CELSR2: variants seen among roughly 807,000 people sequenced by gnomAD.
CELSR2 encodes EGF-like protein 2.
A neutral mutation model predicts 251.6 loss-of-function variants in CELSR2; 81 were observed. The observed-to-expected ratio is 0.32, with a 90% CI of 0.27 to 0.39. The LOEUF is 0.39. Among genes scored for constraint, CELSR2 ranks in the 10% least tolerant of loss-of-function variants. CELSR2 has a pLI of 1.00. For synonymous variants in CELSR2, 1,721 were observed against 1,670.5 expected, an observed-to-expected ratio of 1.03 and a Z score of -0.74; for missense variants, 3,365 against 3,947.7, an observed-to-expected ratio of 0.85 and a Z score of 3.96.
chr1:109,258,160 A>C (rs889125895), intron 1 of CELSR2, among the ~76,000 whole-genome samples: 1 of 152,184 alleles, frequency 6.6e-6, no homozygotes, highest in South Asian at 2.1e-4. Context: ...CTCTGGGGGA[A>C]GGGAGCAGGA....
At chr1:109,267,136 G>A (rs1445902575) in intron 15 of CELSR2, among the ~76,000 whole-genome samples, 1 of 152,112 alleles carries the variant, frequency 6.6e-6, no homozygotes, top group Non-Finnish European at 1.5e-5. Context: ...TCACCACCGA[G>A]TCCTGGAGTT....
In CELSR2 at chr1:109,252,800, GACAGTCA is replaced by G; in HGVS notation, c.2722_2728del (p.Thr908LeufsTer5). 6.2e-7 allele frequency: 1 copy of G among 1,614,050 alleles called. No individual in the cohort carries two copies. On this transcript the variant is annotated frameshift_variant, in exon 1 of 34. Transcript: ENST00000271332. LOFTEE classifies it high-confidence loss of function. The surrounding 1 kb of genome is among the most constrained non-coding windows in gnomAD (Gnocchi z 4.8). ...CCCCAGCCCGCACACCTATGGAAGTGACAGTCACTGTGTTGGATGTGAATGACAATCC... is the reference window on the plus strand; with the variant it reads ...CCCCAGCCCGCACACCTATGGAAGTGCTGTGTTGGATGTGAATGACAATCC...
intron 9 of CELSR2, 102 bp downstream of exon 9, chr1:109,263,879 G>C: frequency 6.8e-7 from 1 of 1,462,916 alleles, no homozygotes; most frequent in Non-Finnish European, 9.1e-7. Context: ...GCAGGGGTGG[G>C]GACATATAGA....
Position 109,267,519 on chromosome 1 carries a change from G to A in CELSR2, c.6014-29G>A, listed in dbSNP as rs547262796. ...AGGGGCTTCCTGTGTGTCTCCCTGA[G>A]GCCGGCCCTTTTGGCTTCCTTCCCC... On this transcript the variant is annotated intron_variant, in intron 15 of 33. Transcript: ENST00000271332. 5.6e-5 allele frequency: 90 copies of A among 1,606,814 alleles called. No individual in the cohort carries two copies. In the South Asian group the frequency reaches 9.3e-4, roughly 17 times the overall value.
intron 1 of CELSR2, among the ~76,000 whole-genome samples, chr1:109,257,865 G>C (rs1348223132): frequency 3.3e-5 from 5 of 152,194 alleles, no homozygotes; most frequent in African/African-American, 1.2e-4. Flanking sequence ...CTTTGTGTTG[G>C]ATGTTGCCAT....
At chr1:109,268,167 A>T in intron 17 of CELSR2, 107 bp downstream of exon 17, 2 of 1,451,860 alleles carry the variant, frequency 1.4e-6, no homozygotes, top group Non-Finnish European at 1.8e-6. Flanking sequence ...CCCACCTACA[A>T]GGAGCTCCCT....
rs1029971819 is a variant in CELSR2, at chr1:109,274,888, A to G, written c.*839A>G. 6 of 152,724 alleles carry G rather than the reference A, an allele frequency of 3.9e-5. No homozygotes were observed. The highest frequency in any genetic ancestry group is 1.4e-4 in the African/African-American group (6 of 41,414). 9.5% of individuals were successfully genotyped at this position (152,724 alleles called of 1,614,324 possible). A position where few individuals can be genotyped will look rare whatever the true frequency, so the allele number is the denominator to read the frequency against. ...GCCCCGCGCCCCGGGCAGGCCAGTC[A>G]TGTGTTAAGTTGCGCTTCTTTGCTG... On this transcript the variant is annotated 3_prime_UTR_variant, in exon 34 of 34. Transcript: ENST00000271332.
rs115193384 is a variant in CELSR2 at position 109,264,949 on chromosome 1, C to T, written c.5546C>T (p.Ala1849Val). Residue 1849 changes from alanine (A) to valine (V), a missense_variant, in exon 12 of 34, where the codon GCC becomes GTC. Coordinates refer to ENST00000271332, the MANE Select transcript of CELSR2 (RefSeq NM_001408.3). ...HQSVCTRKPS[A>V]PHGYTCECPP... ...TCTGTGTGTACCCGCAAGCCCAGTG[C>T]CCCCCATGGCTATACCTGCGAGTGT... The T allele has an allele frequency of 8.4e-4, 1,348 of 1,614,154 alleles. 10 individuals carry two copies. The African/African-American group carries it at 0.016, about 19-fold the overall frequency.
chr1:109,252,487 T>A lies in CELSR2; in HGVS notation c.2408T>A (p.Ile803Asn). Residue 803 changes from isoleucine (I) to asparagine (N), a missense_variant, in exon 1 of 34, where the codon ATC becomes AAC. This residue lies in a region of CELSR2 where 505 missense variants were observed against 660.0 expected (regional missense o/e 0.77). Coordinates refer to ENST00000271332, the MANE Select transcript of CELSR2 (RefSeq NM_001408.3). This position sits in a 1 kb window ranked among gnomAD's most constrained non-coding sequence, Gnocchi z 4.8. ...AAGTCCGACACCACCTACCTGGAGA[T>A]CCTGGTGAACGACGTGAATGACAAT... Reference protein sequence around the residue: ...PQKSDTTYLEILVNDVNDNAP... With the variant: ...PQKSDTTYLENLVNDVNDNAP... 6.2e-7 allele frequency: 1 copy of A among 1,613,870 alleles called. No homozygotes were observed. Among genetic ancestry groups the A allele is most frequent in the Non-Finnish European group, 8.5e-7 (1 of 1,180,026 alleles).
In CELSR2 at chr1:109,258,976, C is replaced by T. The variant is rs1279756433; in HGVS notation, c.3855C>T (p.Cys1285=). The change falls in exon 2 of 34, where the codon TGC becomes TGT. Residue 1285 remains cysteine, a synonymous_variant. Coordinates refer to ENST00000271332, the MANE Select transcript of CELSR2 (RefSeq NM_001408.3). ...RCPPGFTGDY[C]ETEVDLCYSR... ...CGCCCGGCTTCACGGGTGACTACTGCGAGACCGAGGTGGACCTCTGCTACT... is the reference window on the plus strand; with the variant it reads ...CGCCCGGCTTCACGGGTGACTACTGTGAGACCGAGGTGGACCTCTGCTACT... 1 of 1,609,566 alleles carries T rather than the reference C, an allele frequency of 6.2e-7. No individual in the cohort carries two copies. Among genetic ancestry groups the T allele is most frequent in the East Asian group, 2.2e-5 (1 of 44,874 alleles).
rs1338153278 is a variant in CELSR2 at position 109,261,088 on chromosome 1, T to A, written c.4005T>A (p.Gly1335=). Residue 1335 remains glycine, a synonymous_variant, in exon 3 of 34, where the codon GGT becomes GGA. Coordinates refer to ENST00000271332, the MANE Select transcript of CELSR2 (RefSeq NM_001408.3). The surrounding 1 kb of genome is among the most constrained non-coding windows in gnomAD (Gnocchi z 4.8). ...VSARSGRCTP[G]VCKNGGTCVN... ...CTCGCTCAGGCCGTTGCACCCCGGG[T>A]GTCTGCAAGAATGGGGGCACCTGTG... The A allele has an allele frequency of 6.2e-7, 1 of 1,613,844 alleles. No individual in the cohort carries two copies. The highest frequency in any genetic ancestry group is 1.3e-5 in the African/African-American group (1 of 74,878).
In CELSR2 at chr1:109,251,920, A is replaced by C; in HGVS notation, c.1841A>C (p.Glu614Ala). 6.2e-7 allele frequency: 1 copy of C among 1,614,144 alleles called. No individual in the cohort carries two copies. The highest frequency in any genetic ancestry group is 2.2e-5 in the East Asian group (1 of 44,878). ...AACAATCCAACCTTTACCCAACCAG[A>C]GTACACAGTGCGGCTCAATGAGGAT... ...NDNNPTFTQP[E>A]YTVRLNEDAA... The change falls in exon 1 of 34, where the codon GAG becomes GCG. Residue 614 changes from glutamate (E) to alanine (A), a missense_variant. Coordinates refer to ENST00000271332, the MANE Select transcript of CELSR2 (RefSeq NM_001408.3). The surrounding 1 kb of genome is among the most constrained non-coding windows in gnomAD (Gnocchi z 4.9).
intron 24 of CELSR2, 98 bp from the exon 25 acceptor site, chr1:109,270,829 A>T: frequency 2.0e-6 from 2 of 1,009,934 alleles, no homozygotes; most frequent in Non-Finnish European, 3.0e-6. Flanking sequence ...ACCCTTTTCC[A>T]TGCTTCATGC....
Position 109,273,515 on chromosome 1 carries a change from G to A in CELSR2, c.8589G>A (p.Gly2863=), listed in dbSNP as rs776987088. 1 of 1,606,064 alleles carries A rather than the reference G, an allele frequency of 6.2e-7. No homozygotes were observed. The highest frequency in any genetic ancestry group is 8.5e-7 in the Non-Finnish European group (1 of 1,176,870). The change falls in exon 33 of 34, where the codon GGG becomes GGA. Residue 2863 remains glycine, a synonymous_variant. Transcript: ENST00000271332. ...GGCTCCCCCTGGAGCAATGCACAGGGTCTTCCCGGGGCTCCTCCGCTAGTG... is the reference window on the plus strand; with the variant it reads ...GGCTCCCCCTGGAGCAATGCACAGGATCTTCCCGGGGCTCCTCCGCTAGTG... The part of the protein sequence containing the change: ...LLRLPLEQCT[G]SSRGSSASEG...
At chr1:109,265,380 G>T in intron 13 of CELSR2, 69 bp downstream of exon 13, 1 of 1,498,552 alleles carries the variant, frequency 6.7e-7, no homozygotes, top group Non-Finnish European at 9.0e-7. Context: ...GGCCCTAGAG[G>T]GCAGGCTGTA....
Position 109,251,289 on chromosome 1 carries a change from T to C in CELSR2, c.1210T>C (p.Tyr404His). 1 of 1,614,096 alleles carries C rather than the reference T, an allele frequency of 6.2e-7. No individual in the cohort carries two copies. The highest frequency in any genetic ancestry group is 8.5e-7 in the Non-Finnish European group (1 of 1,180,010). The change falls in exon 1 of 34, where the codon TAT becomes CAT. Residue 404 changes from tyrosine to histidine, a missense_variant. Transcript: ENST00000271332. The surrounding 1 kb of genome is among the most constrained non-coding windows in gnomAD (Gnocchi z 4.9). Reference sequence around the variant, plus strand: ...TGCCCCCCAGTTTAGTGAGAAGCGCTATGTGGTCCAGGTGAGGGAGGATGT... The same window carrying C: ...TGCCCCCCAGTTTAGTGAGAAGCGCCATGTGGTCCAGGTGAGGGAGGATGT... ...DNAPQFSEKR[Y>H]VVQVREDVTP...
Position 109,270,950 on chromosome 1 carries a change from G to A in CELSR2, c.7507G>A (p.Glu2503Lys), listed in dbSNP as rs200047365. 4 of 1,613,766 alleles carry A rather than the reference G, an allele frequency of 2.5e-6. No individual in the cohort carries two copies. Among genetic ancestry groups the A allele is most frequent in the East Asian group, 4.5e-5 (2 of 44,850 alleles). The change falls in exon 25 of 34, where the codon GAG becomes AAG. Residue 2503 changes from glutamate (E) to lysine (K), a missense_variant. Physicochemically the swap from Glu to Lys is moderately conservative, Grantham distance 56 (BLOSUM62 1). Around this residue, in one of 5 missense-constraint regions of CELSR2, gnomAD observed 2,093 missense variants for 2,382.8 expected, o/e 0.88. Transcript: ENST00000271332. ...ITGLAVGLDPEGYGNPDFCWL... is the reference protein window; with the variant it reads ...ITGLAVGLDPKGYGNPDFCWL... ...AGGGCTAGCCGTGGGCCTGGACCCC[G>A]AGGGCTACGGGAACCCTGACTTCTG...
rs1467609715 is a variant in CELSR2, at chr1:109,251,644, A to T, written c.1565A>T (p.Tyr522Phe). ...GTCCTGGAGAGTGTCCCCTTAGGCTACCTGGTTCTCCATGTCCAGGCTATC... is the reference window on the plus strand; with the variant it reads ...GTCCTGGAGAGTGTCCCCTTAGGCTTCCTGGTTCTCCATGTCCAGGCTATC... ...ATVLESVPLG[Y>F]LVLHVQAIDA... Residue 522 changes from tyrosine to phenylalanine, a missense_variant, in exon 1 of 34, where the codon TAC becomes TTC. Tyr to Phe is a conservative substitution (Grantham distance 22). Transcript: ENST00000271332. The surrounding 1 kb of genome is among the most constrained non-coding windows in gnomAD (Gnocchi z 4.9). 1.2e-6 allele frequency: 2 copies of T among 1,613,692 alleles called. No individual in the cohort carries two copies. The highest frequency in any genetic ancestry group is 1.7e-5 in the Admixed American group (1 of 59,978).
intron 2 of CELSR2, among the ~76,000 whole-genome samples, chr1:109,259,446 A>T (rs758044196): frequency 1.2e-4 from 18 of 152,232 alleles, no homozygotes; most frequent in Non-Finnish European, 1.9e-4. Flanking sequence ...TACTTAGGTC[A>T]TAAGTTGGTT....
Sources: gnomAD v4.1 joint callset for allele counts (sites outside exome capture counted in the v4.1 genomes callset) on GRCh38, gnomAD v4.1.1 for gene constraint, gnomAD v4.1.1 regional missense constraint, Gnocchi (gnomAD v3.1) non-coding constraint, MANE v1.5 for transcripts, NCBI Gene and HGNC (gene_info 2026-07-23, HGNC 2026-07-21) for gene names.